Variants in B3GLCT observed in about 807,000 individuals in gnomAD.
B3GLCT encodes beta-1,3-glucosyltransferase.
B3GLCT carries 65 observed loss-of-function variants against 63.4 expected under a neutral mutation model. That is an observed-to-expected ratio of 1.03 (90% confidence interval 0.84 to 1.26). The LOEUF (loss-of-function observed/expected upper bound fraction) is 1.26, where lower values mean the gene tolerates loss of function less well. Among genes scored for constraint, B3GLCT ranks in the 50% most tolerant of loss-of-function variants. The probability of loss-of-function intolerance (pLI) is 0.00; values close to 1 mark genes in which losing one functional copy is unlikely to be tolerated. For synonymous variants in B3GLCT, 233 were observed against 219.2 expected (o/e 1.06, Z -0.55); for missense variants, 577 against 604.8 (o/e 0.95, Z 0.48).
intron 7 of B3GLCT, among the ~76,000 whole-genome samples, chr13:31,265,770 G>A (rs1202642554): frequency 9.2e-5 from 14 of 152,030 alleles, no homozygotes; most frequent in African/African-American, 3.4e-4. Flanking sequence ...AAACCTTATC[G>A]AGATTTCCTT....
At position 31,229,255 on chromosome 13, in the gene B3GLCT, A is replaced by G. The variant is rs141154947; in HGVS notation, c.231A>G (p.Leu77=). ...NSFHAKRAEQ[L]KKSILKQAAD... is the part of the protein sequence containing the mutation. ...TTCATGCAAAGAGAGCAGAGCAGTT[A>G]AAAAAAAGCATCTTAAAGCAGGCTG... The change falls in exon 4 of 15, where the codon TTA becomes TTG. Residue 77 remains leucine (L), a synonymous_variant. Coordinates refer to ENST00000343307, the MANE Select transcript of B3GLCT (RefSeq NM_194318.4). The G allele has an allele frequency of 1.6e-5, 26 of 1,604,260 alleles. No individual in the cohort carries two copies. In the African/African-American group the frequency reaches 3.3e-4, roughly 21 times the overall value.
At chr13:31,215,928 G>A (rs1869539962) in intron 2 of B3GLCT, among the ~76,000 whole-genome samples, 1 of 152,242 alleles carries the variant, frequency 6.6e-6, no homozygotes, top group Non-Finnish European at 1.5e-5. Flanking sequence ...CAGAGAGCAG[G>A]CAGTACTTAT....
Position 31,311,095 on chromosome 13 carries a change from A to G in B3GLCT, c.1065-6471A>G, listed in dbSNP as rs1000760639. Among the ~76,000 whole-genome samples, 7 of 152,240 alleles carry G rather than the reference A, an allele frequency of 4.6e-5. No homozygotes were observed. In the East Asian group the frequency reaches 1.3e-3, roughly 29 times the overall value. On this transcript the variant is annotated intron_variant, in intron 12 of 14. Transcript: ENST00000343307. ...TGAAAGAATCTTGTGTCAACAGGAG[A>G]AGGTCAGAGAGAGAGATTGTTTCCT...
rs1186683760 is a variant in B3GLCT, at chr13:31,331,909, G to A, written c.*2241G>A. 6.6e-6 allele frequency: 1 copy of A among 152,192 alleles called. No homozygotes were observed. Among genetic ancestry groups the A allele is most frequent in the African/African-American group, 2.4e-5 (1 of 41,444 alleles). 9.4% of individuals were successfully genotyped at this position (152,192 alleles called of 1,614,324 possible). A position where few individuals can be genotyped will look rare whatever the true frequency, so the allele number is the denominator to read the frequency against. The stretch of plus-strand genomic sequence containing the variant: ...AGGGATGTTAACATCAGGGATTTGT[G>A]TGTGGAATAACTGGAATGTCATTTT... On this transcript the variant is annotated 3_prime_UTR_variant, in exon 15 of 15. Coordinates refer to ENST00000343307, the MANE Select transcript of B3GLCT (RefSeq NM_194318.4).
At chr13:31,311,920 C>T (rs978277024) in intron 12 of B3GLCT, among the ~76,000 whole-genome samples, 7 of 152,090 alleles carry the variant, frequency 4.6e-5, no homozygotes, top group Non-Finnish European at 1.0e-4. Flanking sequence ...ATTAAACTTC[C>T]CATAACAAAG....
intron 10 of B3GLCT, among the ~76,000 whole-genome samples, chr13:31,278,422 A>G (rs151269907): frequency 0.01 from 1,562 of 152,330 alleles, 15 homozygotes; most frequent in Middle Eastern, 0.02. Context: ...AAAAATTACA[A>G]AATCTTAAAA....
intron 7 of B3GLCT, among the ~76,000 whole-genome samples, chr13:31,262,664 G>A (rs1048488804): frequency 6.6e-6 from 1 of 152,184 alleles, no homozygotes; most frequent in African/African-American, 2.4e-5. Context: ...GTGTCCAGCA[G>A]CCTTATGTTT....
intron 14 of B3GLCT, among the ~76,000 whole-genome samples, chr13:31,324,610 A>G (rs1035453017): frequency 2.6e-5 from 4 of 152,210 alleles, no homozygotes; most frequent in Non-Finnish European, 4.4e-5. Flanking sequence ...ATCCATACCC[A>G]TCTAATATCC....
intron 3 of B3GLCT, among the ~76,000 whole-genome samples, chr13:31,228,206 G>A (rs1427721233): frequency 8.1e-5 from 3 of 36,930 alleles, no homozygotes; most frequent in Non-Finnish European, 1.6e-4. Context: ...TGTTGCTGAG[G>A]AATTGCTGTG....
At chr13:31,219,992 C>A (rs564419316) in intron 2 of B3GLCT, among the ~76,000 whole-genome samples, 2 of 152,322 alleles carry the variant, frequency 1.3e-5, no homozygotes, top group South Asian at 4.1e-4. Context: ...ACAACACAAT[C>A]CTGTGAAGTG....
chr13:31,282,588 G>C (rs1213326269), intron 10 of B3GLCT, among the ~76,000 whole-genome samples: 1 of 149,870 alleles, frequency 6.7e-6, no homozygotes, highest in African/African-American at 2.5e-5. Flanking sequence ...CTTGCAGTGA[G>C]CTGAGATCAC....
At chr13:31,223,779 G>C (rs1031061168) in intron 3 of B3GLCT, among the ~76,000 whole-genome samples, 1 of 152,126 alleles carries the variant, frequency 6.6e-6, no homozygotes, top group Non-Finnish European at 1.5e-5. Flanking sequence ...GCCAGGACCT[G>C]GACACCAGTA....
At chr13:31,226,496 G>T (rs1870109287) in intron 3 of B3GLCT, among the ~76,000 whole-genome samples, 1 of 152,244 alleles carries the variant, frequency 6.6e-6, no homozygotes, top group Non-Finnish European at 1.5e-5. Flanking sequence ...GTATGGAAAT[G>T]CTGTTGTCTT....
chr13:31,309,155 A>G (rs1874567821), intron 12 of B3GLCT, among the ~76,000 whole-genome samples: 1 of 152,196 alleles, frequency 6.6e-6, no homozygotes, highest in Non-Finnish European at 1.5e-5. Flanking sequence ...CTCATCCCCC[A>G]GGCTTTTATC....
Position 31,274,491 on chromosome 13 carries a change from T to C in B3GLCT, c.661-18T>C. On this transcript the variant is annotated intron_variant, in intron 8 of 14. Coordinates refer to ENST00000343307, the MANE Select transcript of B3GLCT (RefSeq NM_194318.4). ...GACTGAGTTCTTTCATCACTGCCTG[T>C]CTCCTGTCTCGTGGCAGATTGCCCT... The C allele has an allele frequency of 6.2e-7, 1 of 1,614,186 alleles. No individual in the cohort carries two copies. The highest frequency in any genetic ancestry group is 1.3e-5 in the African/African-American group (1 of 75,060).
chr13:31,295,990 G>A (rs1355070968), intron 12 of B3GLCT, among the ~76,000 whole-genome samples: 1 of 152,208 alleles, frequency 6.6e-6, no homozygotes, highest in African/African-American at 2.4e-5. Flanking sequence ...AAGACCGTGG[G>A]ACAAGTGTAG....
chr13:31,285,123 G>A (rs1320044319), intron 11 of B3GLCT, among the ~76,000 whole-genome samples: 3 of 152,034 alleles, frequency 2.0e-5, no homozygotes, highest in South Asian at 2.1e-4. Context: ...TATATTACCC[G>A]TGAGTACCAC....
intron 4 of B3GLCT, among the ~76,000 whole-genome samples, chr13:31,232,374 G>A (rs1870422145): frequency 6.6e-6 from 1 of 152,144 alleles, no homozygotes; most frequent in Admixed American, 6.6e-5. Context: ...CATGGCAGAA[G>A]GTGAAGAAGA....
intron 6 of B3GLCT, among the ~76,000 whole-genome samples, chr13:31,256,756 A>G (rs147178534): frequency 1.0e-3 from 154 of 152,264 alleles, no homozygotes; most frequent in African/African-American, 3.2e-3. Flanking sequence ...GGAACATCAC[A>G]CACCAGAGCC....
Sources: allele counts gnomAD v4.1 joint callset (sites outside exome capture counted in the v4.1 genomes callset), GRCh38; gene constraint gnomAD v4.1.1; transcripts MANE v1.5; gene names NCBI Gene and HGNC (gene_info 2026-07-23, HGNC 2026-07-21).